RCL1: variants seen among roughly 807,000 people sequenced by gnomAD.
RCL1 encodes RNA 3'-terminal phosphate cyclase-like protein.
Under a neutral mutation model 42.4 loss-of-function variants are expected in RCL1, and 24 were observed. The observed-to-expected ratio is 0.57, with a 90% CI of 0.41 to 0.80. RCL1 has a LOEUF of 0.80. RCL1 is among the 30% of genes least tolerant of loss of function. RCL1 has a pLI of 0.00. For synonymous variants in RCL1, 228 were observed against 177.3 expected, an observed-to-expected ratio of 1.29 and a Z score of -2.27; for missense variants, 578 against 467.9, an observed-to-expected ratio of 1.24 and a Z score of -2.17.
intron 7 of RCL1, among the ~76,000 whole-genome samples, chr9:4,845,026 G>A (rs914123394): frequency 2.0e-5 from 3 of 152,166 alleles, no homozygotes; most frequent in Non-Finnish European, 2.9e-5. Flanking sequence ...TACCATCCCG[G>A]CACCCCCCGA....
chr9:4,849,834 C>T (rs1250610950), intron 8 of RCL1, among the ~76,000 whole-genome samples: 1 of 152,138 alleles, frequency 6.6e-6, no homozygotes, highest in Non-Finnish European at 1.5e-5. Context: ...TAGAGGTAAA[C>T]TCCTGGTTTG....
rs1039390099 is a variant in RCL1, at chr9:4,839,568, T to G, written c.585-1664T>G. On this transcript the variant is annotated intron_variant, in intron 5 of 8. Coordinates refer to ENST00000381750, the MANE Select transcript of RCL1 (RefSeq NM_005772.5). ...GACAGCACCTGCTTGGTCCAAAGGG[T>G]ATGAGATTCAGGACTGTTTGTCTAA... The G allele has an allele frequency of 8.1e-5, 56 of 693,584 alleles. No homozygotes were observed. In the Admixed American group the frequency reaches 3.5e-3, roughly 43 times the overall value. The allele number at this position is 693,584 out of a possible 1,614,324, so 43.0% of individuals were successfully genotyped here.
intron 3 of RCL1, among the ~76,000 whole-genome samples, chr9:4,832,206 A>G (rs904765506): frequency 1.3e-5 from 2 of 152,234 alleles, no homozygotes; most frequent in African/African-American, 4.8e-5. Flanking sequence ...GGAGGAGATA[A>G]CAGTTACACG....
At chr9:4,801,122 C>G (rs571994874) in intron 1 of RCL1, among the ~76,000 whole-genome samples, 51 of 152,146 alleles carry the variant, frequency 3.4e-4, no homozygotes, top group Non-Finnish European at 6.5e-4. Context: ...TTAAGTGAAA[C>G]ATCTTTCCAA....
chr9:4,821,275 G>T (rs1816588269), intron 1 of RCL1, among the ~76,000 whole-genome samples: 1 of 152,042 alleles, frequency 6.6e-6, no homozygotes, highest in Non-Finnish European at 1.5e-5. Flanking sequence ...GAGAGAGAGA[G>T]CATGGACTTT....
chr9:4,852,536 G>A (rs983399859), intron 8 of RCL1, among the ~76,000 whole-genome samples: 1 of 152,184 alleles, frequency 6.6e-6, no homozygotes, highest in African/African-American at 2.4e-5. Context: ...GCTCTACCAC[G>A]CGCTACCAGG....
At chr9:4,825,698 CT>C (rs1816737794) in intron 2 of RCL1, among the ~76,000 whole-genome samples, 1 of 152,112 alleles carries the variant, frequency 6.6e-6, no homozygotes, top group South Asian at 2.1e-4. Context: ...TTATGTCCCC[CT>C]ATGTCATTTA....
At chr9:4,831,305 T>G (rs1026425610) in intron 3 of RCL1, among the ~76,000 whole-genome samples, 4 of 148,930 alleles carry the variant, frequency 2.7e-5, no homozygotes, top group African/African-American at 1.0e-4. Context: ...TGCTGTGTTT[T>G]TTCACCTTTT....
At chr9:4,795,369 C>A (rs1038360206) in intron 1 of RCL1, among the ~76,000 whole-genome samples, 1 of 152,108 alleles carries the variant, frequency 6.6e-6, no homozygotes, top group East Asian at 1.9e-4. Flanking sequence ...AGGTGTGAGC[C>A]GCTGCGCCCA....
At chr9:4,812,967 G>A (rs1022819668) in intron 1 of RCL1, among the ~76,000 whole-genome samples, 2 of 152,044 alleles carry the variant, frequency 1.3e-5, no homozygotes, top group South Asian at 4.2e-4. Context: ...GGAGTTCATG[G>A]CAGTACTTTA....
At chr9:4,827,657 A>G (rs1010198725) in intron 3 of RCL1, among the ~76,000 whole-genome samples, 14 of 151,968 alleles carry the variant, frequency 9.2e-5, no homozygotes, top group Admixed American at 9.2e-4. Context: ...TTCTGCAGAT[A>G]TGGGGAGAAT....
At chr9:4,859,355 T>C (rs1273147962) in intron 8 of RCL1, among the ~76,000 whole-genome samples, 1 of 152,240 alleles carries the variant, frequency 6.6e-6, no homozygotes, top group Non-Finnish European at 1.5e-5. Context: ...TTGCTTTGTT[T>C]ACATTACATA....
At chr9:4,802,987 AT>A (rs1236683418) in intron 1 of RCL1, among the ~76,000 whole-genome samples, 2 of 150,610 alleles carry the variant, frequency 1.3e-5, no homozygotes, top group Non-Finnish European at 3.0e-5. Context: ...CACTTGGGTA[AT>A]TTTTTTCTTT....
At chr9:4,841,100 T>C in intron 5 of RCL1, 132 bp from the exon 6 acceptor site, 1 of 954,648 alleles carries the variant, frequency 1.0e-6, no homozygotes, top group South Asian at 1.6e-5. Context: ...ATTCAGTAAA[T>C]TCAGTTGGAA....
rs1462636116 is a variant in RCL1 at position 4,806,834 on chromosome 9, T to C, written c.136+13607T>C. Among the ~76,000 whole-genome samples, 3 of 152,230 alleles carry C rather than the reference T, an allele frequency of 2.0e-5. No homozygotes were observed. In the East Asian group the frequency reaches 5.8e-4, roughly 29 times the overall value. ...TGAAAGAGATTGTGTAGAATTGTTT[T>C]TAATTCTTTAAATGTTTGGCAGAAT... On this transcript the variant is annotated intron_variant, in intron 1 of 8. Transcript: ENST00000381750.
chr9:4,827,001 C>T lies in RCL1; in HGVS notation c.352C>T (p.Arg118Ter), dbSNP rs1816785296. 3 of 1,614,124 alleles carry T rather than the reference C, an allele frequency of 1.9e-6. No homozygotes were observed. Among genetic ancestry groups the T allele is most frequent in the Non-Finnish European group, 2.5e-6 (3 of 1,180,038 alleles). The change falls in exon 3 of 9, where the codon CGA becomes TGA. Residue 118 changes from arginine (R) to a stop codon, truncating the protein, a stop_gained. Coordinates refer to ENST00000381750, the MANE Select transcript of RCL1 (RefSeq NM_005772.5). LOFTEE classifies it high-confidence loss of function. Reference protein sequence around the residue: ...FMKHPLKIVLRGVTNDQVDPS... With the variant: ...FMKHPLKIVL ...GAAGCACCCGTTAAAAATAGTTCTA[C>T]GAGGAGTGACCAATGATCAGGTTGA...
At chr9:4,802,869 G>A (rs1162069391) in intron 1 of RCL1, among the ~76,000 whole-genome samples, 1 of 152,106 alleles carries the variant, frequency 6.6e-6, no homozygotes, top group African/African-American at 2.4e-5. Context: ...CGCACAGGCT[G>A]GGGTGCAGAG....
rs150062908 is a variant in RCL1 at position 4,802,626 on chromosome 9, A to AT, written c.136+9408dup. On this transcript the variant is annotated intron_variant, in intron 1 of 8. Transcript: ENST00000381750. ...ATTTTTCAATGTTTACAAAATGTTC[A>AT]TTTTTTTTTACTTTGTTATTTACAA... Among the ~76,000 whole-genome samples the AT allele has an allele frequency of 4.6e-4, 70 of 151,442 alleles. 1 individual carries two copies. The highest frequency in any genetic ancestry group is 2.0e-3 in the Admixed American group (30 of 15,198).
intron 1 of RCL1, among the ~76,000 whole-genome samples, chr9:4,800,939 C>G (rs565884906): frequency 6.6e-6 from 1 of 152,296 alleles, no homozygotes; most frequent in East Asian, 1.9e-4. Context: ...CAGGCGTGAG[C>G]CACCACACTG....
Sources: gnomAD v4.1 joint callset for allele counts (sites outside exome capture counted in the v4.1 genomes callset) on GRCh38, gnomAD v4.1.1 for gene constraint, MANE v1.5 for transcripts, NCBI Gene and HGNC (gene_info 2026-07-23, HGNC 2026-07-21) for gene names.